The following PSD2 variants were observed in gnomAD, a reference collection of about 807,000 sequenced individuals.
The protein encoded by PSD2 is pleckstrin and Sec7 domain containing 2.
Under a neutral mutation model 69.8 loss-of-function variants are expected in PSD2, and 38 were observed. The observed-to-expected ratio is 0.54, with a 90% CI of 0.42 to 0.71. The LOEUF is 0.71. Ranked by LOEUF, PSD2 falls within the 30% of genes least tolerant of loss-of-function variation. PSD2 has a pLI of 0.00. For synonymous variants in PSD2, 412 were observed against 423.0 expected, an observed-to-expected ratio of 0.97 and a Z score of 0.32; for missense variants, 943 against 1,014.5, an observed-to-expected ratio of 0.93 and a Z score of 0.96.
the PSD2 span, among the ~76,000 whole-genome samples, chr5:139,780,210 G>T: frequency 9.2e-4 from 140 of 152,256 alleles, 1 homozygote; most frequent in East Asian, 5.8e-4. Context: ...CAATGGGGTT[G>T]TCACCTCCTC....
At chr5:139,809,260 G>A (rs957910346) in intron 1 of PSD2, 131 bp from the exon 2 acceptor site, 3 of 697,882 alleles carry the variant, frequency 4.3e-6, no homozygotes, top group Non-Finnish European at 7.0e-6. Context: ...AGCTGGAAGG[G>A]CCCCGAGGAG....
the PSD2 span, among the ~76,000 whole-genome samples, chr5:139,750,950 A>T: frequency 6.6e-6 from 1 of 152,136 alleles, no homozygotes; most frequent in Non-Finnish European, 1.5e-5. Context: ...GCCATTATAG[A>T]TGGGGGAAAC....
At chr5:139,749,185 C>A in the PSD2 span, among the ~76,000 whole-genome samples, 9 of 152,240 alleles carry the variant, frequency 5.9e-5, no homozygotes, top group African/African-American at 2.2e-4. Context: ...TCGGTTCCCC[C>A]CTAGCATGCC....
intron 6 of PSD2, 81 bp from the exon 7 acceptor site, chr5:139,822,645 C>A: frequency 7.6e-7 from 1 of 1,316,888 alleles, no homozygotes; most frequent in South Asian, 1.4e-5. Context: ...TGTCCAAGGT[C>A]TCCTGACGGG....
chr5:139,793,621 C>G (rs988357785), upstream of PSD2, among the ~76,000 whole-genome samples: 1 of 152,236 alleles, frequency 6.6e-6, no homozygotes, highest in African/African-American at 2.4e-5. Flanking sequence ...TTCCCCTTTC[C>G]CTGTTCTTTC....
the PSD2 span, among the ~76,000 whole-genome samples, chr5:139,774,853 C>T: frequency 6.6e-6 from 1 of 152,144 alleles, no homozygotes; most frequent in Non-Finnish European, 1.5e-5. Flanking sequence ...CCGCAGGGCA[C>T]AGGGGAGGGA....
the PSD2 span, among the ~76,000 whole-genome samples, chr5:139,781,899 G>T: frequency 1.3e-5 from 2 of 152,158 alleles, no homozygotes; most frequent in Non-Finnish European, 2.9e-5. Context: ...CTCCCAAAAT[G>T]CTGGGATTAC....
chr5:139,841,371 A>G (rs1289171884), intron 14 of PSD2, among the ~76,000 whole-genome samples: 1 of 152,222 alleles, frequency 6.6e-6, no homozygotes, highest in East Asian at 1.9e-4. Context: ...GCTGAATAAT[A>G]TTCCATTGTA....
intron 7 of PSD2, among the ~76,000 whole-genome samples, chr5:139,827,144 T>G (rs1291831417): frequency 6.6e-6 from 1 of 152,136 alleles, no homozygotes; most frequent in Non-Finnish European, 1.5e-5. Context: ...AGAGGTGGGG[T>G]CATTCTTCCC....
intron 1 of PSD2, among the ~76,000 whole-genome samples, chr5:139,800,888 C>T (rs1447069989): frequency 1.3e-5 from 2 of 152,144 alleles, no homozygotes; most frequent in African/African-American, 4.8e-5. Context: ...GAACAGATAT[C>T]TTGCTGTTAT....
At chr5:139,789,045 G>A in the PSD2 span, among the ~76,000 whole-genome samples, 1 of 152,202 alleles carries the variant, frequency 6.6e-6, no homozygotes, top group Non-Finnish European at 1.5e-5. Flanking sequence ...GGGCTCCAGG[G>A]ATCTTCCCCA....
In PSD2 at chr5:139,836,540, C is replaced by A. The variant is rs889371021; in HGVS notation, c.1404-271C>A. Among the ~76,000 whole-genome samples the A allele has an allele frequency of 7.9e-5, 12 of 152,310 alleles. No individual in the cohort carries two copies. The East Asian group carries it at 2.3e-3, about 29-fold the overall frequency. On this transcript the variant is annotated intron_variant, in intron 9 of 14. Coordinates refer to ENST00000274710, the MANE Select transcript of PSD2 (RefSeq NM_032289.4). ...GAAGGAGACCTGGTGACAGTTAAGT[C>A]TCCACGTTTGTGATCAAGGGTGACA...
At chr5:139,817,333 G>T in intron 4 of PSD2, 148 bp from the exon 5 acceptor site, 1 of 686,148 alleles carries the variant, frequency 1.5e-6, no homozygotes, top group Non-Finnish European at 2.6e-6. Flanking sequence ...AAGGTTGAAT[G>T]TTATGGCCCA....
intron 2 of PSD2, among the ~76,000 whole-genome samples, chr5:139,811,062 G>A (rs988288671): frequency 6.6e-6 from 1 of 152,188 alleles, no homozygotes; most frequent in African/African-American, 2.4e-5. Flanking sequence ...CACAGGCCTG[G>A]CAGAGGTGTC....
chr5:139,824,332 GTGGGT>G (rs1025277957), intron 7 of PSD2, among the ~76,000 whole-genome samples: 1 of 152,088 alleles, frequency 6.6e-6, no homozygotes, highest in Non-Finnish European at 1.5e-5. Flanking sequence ...TAGATTAGAA[GTGGGT>G]TGGGATGAGT....
chr5:139,790,075 C>T, the PSD2 span, among the ~76,000 whole-genome samples: 16 of 151,996 alleles, frequency 1.1e-4, no homozygotes, highest in East Asian at 3.9e-4. Flanking sequence ...AGAATGAGGT[C>T]AGAGGAGTGG....
At chr5:139,835,875 C>T in intron 9 of PSD2, 109 bp downstream of exon 9, 1 of 1,033,800 alleles carries the variant, frequency 9.7e-7, no homozygotes, top group Non-Finnish European at 1.5e-6. Context: ...TGATCCCTCC[C>T]AATCCAGGGC....
chr5:139,818,094 C>A (rs943778234), intron 5 of PSD2, among the ~76,000 whole-genome samples: 5 of 152,074 alleles, frequency 3.3e-5, no homozygotes, highest in African/African-American at 1.2e-4. Context: ...ATGGGTGCAG[C>A]CCTGTAGTAT....
chr5:139,770,821 C>G, the PSD2 span, among the ~76,000 whole-genome samples: 2 of 152,212 alleles, frequency 1.3e-5, no homozygotes, highest in Non-Finnish European at 2.9e-5. Context: ...GTTTTGTGCC[C>G]TTTCCCACCA....
Sources: allele counts gnomAD v4.1 joint callset (sites outside exome capture counted in the v4.1 genomes callset), GRCh38; gene constraint gnomAD v4.1.1; transcripts MANE v1.5; gene names NCBI Gene and HGNC (gene_info 2026-07-23, HGNC 2026-07-21).